TAF9: variants seen among roughly 807,000 people sequenced by gnomAD.
TAF9 encodes the protein transcription initiation factor TFIID subunit 9.
Under a neutral mutation model 16.5 loss-of-function variants are expected in TAF9, and 10 were observed. That is an observed-to-expected ratio of 0.61 (90% CI 0.37 to 1.03). TAF9 has a LOEUF of 1.03. Among genes scored for constraint, TAF9 ranks in the 50% least tolerant of loss-of-function variants. The pLI is 0.01. For missense variants in TAF9, 288 were observed against 319.1 expected, an observed-to-expected ratio of 0.90 and a Z score of 0.74; for synonymous variants, 105 against 120.5, an observed-to-expected ratio of 0.87 and a Z score of 0.84.
upstream of TAF9, chr5:69,369,616 C>T: frequency 6.3e-7 from 1 of 1,576,116 alleles, no homozygotes; most frequent in Middle Eastern, 1.7e-4. Flanking sequence ...CCGCGGCGCC[C>T]CTAGCCTGCC....
chr5:69,369,234 C>G (rs538822923), intron 1 of TAF9: 7 of 70,984 alleles, frequency 9.9e-5, no homozygotes, highest in African/African-American at 2.0e-4. Context: ...CCACCCCCCC[C>G]CGCCCCCCCC....
intron 1 of TAF9, among the ~76,000 whole-genome samples, chr5:69,368,634 T>A (rs908475531): frequency 1.3e-5 from 2 of 152,194 alleles, no homozygotes; most frequent in African/African-American, 4.8e-5. Context: ...TACCTTTGGG[T>A]GAATGATGTA....
intron 1 of TAF9, among the ~76,000 whole-genome samples, chr5:69,368,096 G>C (rs1041540251): frequency 6.6e-6 from 1 of 152,150 alleles, no homozygotes; most frequent in Non-Finnish European, 1.5e-5. Context: ...CTTCCCTAGA[G>C]ATAACCACTG....
upstream of TAF9, chr5:69,369,698 G>GGGCATAACTCGGGTC: frequency 1.9e-6 from 3 of 1,552,848 alleles, no homozygotes. Context: ...GTTGGAGGGT[G>GGGCATAACTCGGGTC]GGCATAACTC....
chr5:69,366,622 T>A (rs1443854732), intron 1 of TAF9, 27 bp from the exon 2 acceptor site: 1 of 1,534,800 alleles, frequency 6.5e-7, no homozygotes. Flanking sequence ...AGAAAAATAC[T>A]GTTTGTGAAA....
chr5:69,369,379 G>T (rs1233183511), intron 1 of TAF9, 84 bp downstream of exon 1: 5 of 1,519,884 alleles, frequency 3.3e-6, no homozygotes, highest in Middle Eastern at 2.3e-4. Flanking sequence ...GCAGTGAGGG[G>T]CCCCCACCTG....
chr5:69,369,297 G>A, intron 1 of TAF9, 166 bp downstream of exon 1: 2 of 219,496 alleles, frequency 9.1e-6, no homozygotes, highest in African/African-American at 4.9e-5. Flanking sequence ...CTCGCCTCCC[G>A]CAACGCCCGC....
intron 1 of TAF9, 43 bp downstream of exon 1, chr5:69,369,420 C>A: frequency 6.2e-7 from 1 of 1,602,886 alleles, no homozygotes; most frequent in Non-Finnish European, 8.5e-7. Context: ...CTCTGCGCCC[C>A]CAGCCTGCCC....
At chr5:69,368,187 A>G (rs1275005399) in intron 1 of TAF9, among the ~76,000 whole-genome samples, 1 of 152,234 alleles carries the variant, frequency 6.6e-6, no homozygotes, top group African/African-American at 2.4e-5. Flanking sequence ...TTTGTTATAT[A>G]AATACAACAC....
At chr5:69,368,671 A>C (rs907751115) in intron 1 of TAF9, among the ~76,000 whole-genome samples, 2 of 152,164 alleles carry the variant, frequency 1.3e-5, no homozygotes, top group African/African-American at 4.8e-5. Context: ...AAAGAGTCTT[A>C]ATTTTTCTGT....
At chr5:69,366,870 T>C (rs1026379214) in intron 1 of TAF9, 3 of 366,848 alleles carry the variant, frequency 8.2e-6, no homozygotes, top group South Asian at 3.3e-5. Context: ...GCGATTCTCC[T>C]GCCTCAGTCT....
intron 1 of TAF9, chr5:69,369,237 C>CCCCCCCCCCCCCCCCCCA: frequency 1.7e-5 from 1 of 57,224 alleles, no homozygotes; most frequent in South Asian, 4.2e-4. Context: ...CCCCCCCCCG[C>CCCCCCCCCCCCCCCCCCA]CCCCCCCCGG....
Position 69,366,593 on chromosome 5 carries a change from T to A in TAF9, c.-108A>T. The A allele has an allele frequency of 6.2e-7, 1 of 1,611,652 alleles. No homozygotes were observed. Among genetic ancestry groups the A allele is most frequent in the Non-Finnish European group, 8.5e-7 (1 of 1,177,836 alleles). ...AGTGTGGTTTTTCCAACCCCTGGTG[T>A]ACCTGTAAGACAAGCCACAGAAAAA... On this transcript the variant is annotated splice_region_variant and 5_prime_UTR_variant, in exon 2 of 3. Coordinates refer to ENST00000217893, the MANE Select transcript of TAF9 (RefSeq NM_003187.5).
rs1372724915 is a variant in TAF9 at position 69,365,277 on chromosome 5, G to A, written c.461C>T (p.Thr154Ile). Reference sequence around the variant, plus strand: ...TAGTGTGGGAGTACTTGGTCTGCTAGTAACTGAACCAACACTTAACCGCGG... The same window carrying A: ...TAGTGTGGGAGTACTTGGTCTGCTAATAACTGAACCAACACTTAACCGCGG... ...TVPRLSVGSVTSRPSTPTLGT... is the reference protein window; with the variant it reads ...TVPRLSVGSVISRPSTPTLGT... Residue 154 changes from threonine (T) to isoleucine (I), a missense_variant, in exon 3 of 3, where the codon ACT (threonine) becomes ATT (isoleucine). Physicochemically the swap from Thr to Ile is moderately conservative, Grantham distance 89 (BLOSUM62 -1). Coordinates refer to ENST00000217893, the MANE Select transcript of TAF9 (RefSeq NM_003187.5). The A allele has an allele frequency of 6.2e-7, 1 of 1,614,076 alleles. No individual in the cohort carries two copies. The highest frequency in any genetic ancestry group is 8.5e-7 in the Non-Finnish European group (1 of 1,180,040).
chr5:69,366,239 T>A (rs571975809), intron 2 of TAF9, among the ~76,000 whole-genome samples: 25 of 152,304 alleles, frequency 1.6e-4, no homozygotes, highest in African/African-American at 6.0e-4. Context: ...ACATTCTACC[T>A]ATCCGAAATC....
chr5:69,366,663 G>A, intron 1 of TAF9, 68 bp from the exon 2 acceptor site: 1 of 1,143,020 alleles, frequency 8.7e-7, no homozygotes, highest in Non-Finnish European at 1.3e-6. Flanking sequence ...TCCACCTTCT[G>A]CCTTTCCTTT....
intron 1 of TAF9, 128 bp downstream of exon 1, chr5:69,369,335 C>T: frequency 1.9e-6 from 2 of 1,046,030 alleles, no homozygotes; most frequent in Non-Finnish European, 2.6e-6. Flanking sequence ...GCGCTGACAA[C>T]CGCCTCGTGG....
Position 69,364,970 on chromosome 5 carries a change from A to T in TAF9, c.768T>A (p.Asp256Glu). Residue 256 changes from aspartate to glutamate, a missense_variant, in exon 3 of 3, where the codon GAT becomes GAA. By Grantham distance (45) the Asp-to-Glu change is conservative (BLOSUM62 2). Coordinates refer to ENST00000217893, the MANE Select transcript of TAF9 (RefSeq NM_003187.5). ...RKREDDDDDD[D>E]DDDDYDNL ...ACAGATTATCATAGTCATCATCATC[A>T]TCATCGTCATCATCATCATCTTCAC... The T allele has an allele frequency of 6.2e-7, 1 of 1,612,812 alleles. No homozygotes were observed. Among genetic ancestry groups the T allele is most frequent in the Non-Finnish European group, 8.5e-7 (1 of 1,179,464 alleles).
upstream of TAF9, chr5:69,369,544 G>A (rs959785678): frequency 1.3e-5 from 21 of 1,610,268 alleles, no homozygotes; most frequent in South Asian, 1.8e-4. Flanking sequence ...TTGCTCTACA[G>A]GGAGGAGCCG....
Sources: gnomAD v4.1 joint callset for allele counts (sites outside exome capture counted in the v4.1 genomes callset) on GRCh38, gnomAD v4.1.1 for gene constraint, MANE v1.5 for transcripts, NCBI Gene and HGNC (gene_info 2026-07-23, HGNC 2026-07-21) for gene names.